LRMDA: variants seen among roughly 807,000 people sequenced by gnomAD.
The protein encoded by LRMDA is leucine-rich melanocyte differentiation-associated protein.
In LRMDA, 18 loss-of-function variants were observed where a neutral mutation model predicts 29.8. The ratio of observed to expected loss-of-function variants is 0.60; its 90% CI spans 0.42 to 0.90. The LOEUF (loss-of-function observed/expected upper bound fraction) is 0.90. Ranked by LOEUF, LRMDA falls within the 40% of genes least tolerant of loss-of-function variation. The pLI is 0.00. For missense variants in LRMDA, 273 were observed against 273.9 expected, an observed-to-expected ratio of 1.00 and a Z score of 0.02; for synonymous variants, 125 against 109.4, an observed-to-expected ratio of 1.14 and a Z score of -0.89.
chr10:76,406,959 T>C (rs374477101), intron 6 of LRMDA, among the ~76,000 whole-genome samples: 28 of 152,210 alleles, frequency 1.8e-4, no homozygotes, highest in East Asian at 1.4e-3. Flanking sequence ...CACTCAGTCA[T>C]CTTTCCCACT....
intron 2 of LRMDA, among the ~76,000 whole-genome samples, chr10:75,736,592 A>C (rs967125112): frequency 6.6e-6 from 1 of 152,252 alleles, no homozygotes; most frequent in Non-Finnish European, 1.5e-5. Flanking sequence ...TAGGCTTCTA[A>C]CAATAATTAG....
At chr10:75,582,895 C>G (rs770771548) in intron 2 of LRMDA, among the ~76,000 whole-genome samples, 2 of 152,300 alleles carry the variant, frequency 1.3e-5, no homozygotes, top group African/African-American at 4.8e-5. Flanking sequence ...TTTCATCTGT[C>G]AGATACCCTA....
At chr10:76,534,167 T>C (rs2132376880) in intron 6 of LRMDA, among the ~76,000 whole-genome samples, 1 of 152,282 alleles carries the variant, frequency 6.6e-6, no homozygotes, top group African/African-American at 2.4e-5. Flanking sequence ...CATTATTACA[T>C]ATTAAGGAAG....
chr10:75,695,570 C>G (rs1435134411), intron 2 of LRMDA, among the ~76,000 whole-genome samples: 2 of 152,078 alleles, frequency 1.3e-5, no homozygotes, highest in Non-Finnish European at 2.9e-5. Flanking sequence ...CTCCCTCCCC[C>G]TCCCTTTAAT....
At chr10:75,902,152 A>G (rs953967739) in intron 2 of LRMDA, among the ~76,000 whole-genome samples, 11 of 152,058 alleles carry the variant, frequency 7.2e-5, no homozygotes, top group Non-Finnish European at 1.5e-4. Context: ...TCCAAGGTCT[A>G]CCCACCAATG....
intron 2 of LRMDA, among the ~76,000 whole-genome samples, chr10:75,853,840 C>T (rs1564586887): frequency 6.6e-6 from 1 of 152,124 alleles, no homozygotes; most frequent in Non-Finnish European, 1.5e-5. Flanking sequence ...ACTGGGCCTC[C>T]CCAACTCTTA....
rs1020838807 is a variant in LRMDA at position 76,192,705 on chromosome 10, G to T, written c.517-131696G>T. Among the ~76,000 whole-genome samples the T allele has an allele frequency of 5.9e-5, 9 of 152,144 alleles. No individual in the cohort carries two copies. In the East Asian group the frequency reaches 7.7e-4, roughly 13 times the overall value. ...ATAAATTAAGACATCCTATTATGGA[G>T]GGAAATTTTTTAGAAATCTTTCCCA... On this transcript the variant is annotated intron_variant, in intron 5 of 6. Coordinates refer to ENST00000611255, the MANE Select transcript of LRMDA (RefSeq NM_001305581.2).
intron 6 of LRMDA, among the ~76,000 whole-genome samples, chr10:76,439,558 T>C (rs966575814): frequency 5.3e-5 from 8 of 152,174 alleles, no homozygotes; most frequent in African/African-American, 1.9e-4. Context: ...CTCTGAAGTT[T>C]AGAAAGAATT....
At chr10:75,800,529 C>T (rs745669435) in intron 2 of LRMDA, among the ~76,000 whole-genome samples, 1 of 151,938 alleles carries the variant, frequency 6.6e-6, no homozygotes, top group Non-Finnish European at 1.5e-5. Flanking sequence ...CCTCCGCCTC[C>T]CGCGTTCAAG....
chr10:76,026,990 C>T (rs1034283900), intron 2 of LRMDA, among the ~76,000 whole-genome samples: 4 of 152,198 alleles, frequency 2.6e-5, no homozygotes, highest in African/African-American at 9.7e-5. Flanking sequence ...TCCCAGCTTA[C>T]ATAATTTTCT....
At position 76,452,299 on chromosome 10, in the gene LRMDA, T is replaced by C. The variant is rs138046690; in HGVS notation, c.602-104910T>C. ...GGTCAGGGCCTCAAGGTCCATCTGA[T>C]TGCAGCAGGGATGTGGGAAGGCCAT... On this transcript the variant is annotated intron_variant, in intron 6 of 6. Coordinates refer to ENST00000611255, the MANE Select transcript of LRMDA (RefSeq NM_001305581.2). Among the ~76,000 whole-genome samples, 766 of 152,278 alleles carry C rather than the reference T, an allele frequency of 5.0e-3. 9 individuals are homozygous for C. Among genetic ancestry groups the C allele is most frequent in the Middle Eastern group, 0.024 (7 of 294 alleles).
chr10:75,495,435 C>T (rs970767064), intron 2 of LRMDA, among the ~76,000 whole-genome samples: 11 of 151,754 alleles, frequency 7.2e-5, no homozygotes, highest in African/African-American at 2.7e-4. Flanking sequence ...TTTTTGAGTG[C>T]CAAGTCTTCA....
At chr10:75,639,054 GCTGA>G (rs1358278076) in intron 2 of LRMDA, among the ~76,000 whole-genome samples, 36 of 152,262 alleles carry the variant, frequency 2.4e-4, no homozygotes, top group Admixed American at 7.2e-4. Flanking sequence ...TGAGATCTAG[GCTGA>G]CTTTTTTGTT....
intron 2 of LRMDA, among the ~76,000 whole-genome samples, chr10:75,697,784 A>G (rs979178656): frequency 6.6e-6 from 1 of 152,096 alleles, no homozygotes; most frequent in Non-Finnish European, 1.5e-5. Context: ...ATTATATGCT[A>G]GAAACACGTG....
intron 2 of LRMDA, among the ~76,000 whole-genome samples, chr10:75,728,675 C>A (rs1444974079): frequency 6.6e-6 from 1 of 152,062 alleles, no homozygotes; most frequent in Non-Finnish European, 1.5e-5. Flanking sequence ...GTGATGGGAA[C>A]CATGAACTCG....
At chr10:75,736,930 G>C (rs551666273) in intron 2 of LRMDA, among the ~76,000 whole-genome samples, 9 of 152,312 alleles carry the variant, frequency 5.9e-5, no homozygotes, top group African/African-American at 2.2e-4. Context: ...TATTTAGTAG[G>C]GTGGGGAAGG....
At chr10:75,674,601 C>T (rs1249038650) in intron 2 of LRMDA, among the ~76,000 whole-genome samples, 2 of 152,172 alleles carry the variant, frequency 1.3e-5, no homozygotes, top group South Asian at 4.1e-4. Context: ...AAAGAGGCCA[C>T]CGCTTCAGAT....
At chr10:75,959,591 T>G (rs889264286) in intron 2 of LRMDA, among the ~76,000 whole-genome samples, 1 of 152,160 alleles carries the variant, frequency 6.6e-6, no homozygotes, top group African/African-American at 2.4e-5. Flanking sequence ...TTTGAATTCC[T>G]TACAATATTG....
intron 5 of LRMDA, among the ~76,000 whole-genome samples, chr10:76,291,140 T>A (rs1840335609): frequency 6.6e-6 from 1 of 152,184 alleles, no homozygotes; most frequent in African/African-American, 2.4e-5. Flanking sequence ...GCAAAATGAA[T>A]CTGAAGTTTT....
Sources: gnomAD v4.1 joint callset for allele counts (sites outside exome capture counted in the v4.1 genomes callset) on GRCh38, gnomAD v4.1.1 for gene constraint, MANE v1.5 for transcripts, NCBI Gene and HGNC (gene_info 2026-07-23, HGNC 2026-07-21) for gene names.